The following AFAP1 variants were observed in gnomAD, a reference collection of about 807,000 sequenced individuals.
AFAP1 encodes the protein actin filament-associated protein 1.
AFAP1 carries 75 observed loss-of-function variants against 93.9 expected under a neutral mutation model. That is an observed-to-expected ratio of 0.80 (90% CI 0.66 to 0.97). The LOEUF is 0.97. Among genes scored for constraint, AFAP1 ranks in the 50% least tolerant of loss-of-function variants. The probability of loss-of-function intolerance (pLI) is 0.00; values close to 1 mark genes in which losing one functional copy is unlikely to be tolerated. For missense variants in AFAP1, 1,201 were observed against 1,050.8 expected (o/e 1.14, Z -1.98); for synonymous variants, 517 against 430.7 (o/e 1.20, Z -2.48).
chr4:7,880,511 C>T (rs1196802640), intron 1 of AFAP1, among the ~76,000 whole-genome samples: 2 of 152,196 alleles, frequency 1.3e-5, no homozygotes, highest in Non-Finnish European at 2.9e-5. Context: ...AACCCCTGAC[C>T]TGATGATCCA....
intron 1 of AFAP1, among the ~76,000 whole-genome samples, chr4:7,889,690 G>A (rs980440433): frequency 2.8e-5 from 3 of 107,196 alleles, no homozygotes; most frequent in African/African-American, 6.3e-5. Flanking sequence ...TCAATGAAGC[G>A]TTTTTTTTTT....
intron 5 of AFAP1, among the ~76,000 whole-genome samples, chr4:7,841,296 C>T (rs1207365650): frequency 1.0e-5 from 1 of 98,142 alleles, no homozygotes; most frequent in Non-Finnish European, 2.1e-5. Flanking sequence ...GGGTCTATAC[C>T]TCCCACACAC....
intron 2 of AFAP1, among the ~76,000 whole-genome samples, chr4:7,869,993 A>G (rs1716885350): frequency 6.6e-6 from 1 of 152,192 alleles, no homozygotes; most frequent in South Asian, 2.1e-4. Flanking sequence ...GCGGAGGGAA[A>G]AGACAGGAAA....
At chr4:7,893,995 A>G (rs1313996293) in intron 1 of AFAP1, among the ~76,000 whole-genome samples, 1 of 152,230 alleles carries the variant, frequency 6.6e-6, no homozygotes, top group East Asian at 1.9e-4. Flanking sequence ...TCAAATCACC[A>G]GCAAAGACCT....
chr4:7,928,799 ACCTGTCTGCCCT>A (rs1047333690), intron 1 of AFAP1, among the ~76,000 whole-genome samples: 18 of 152,294 alleles, frequency 1.2e-4, no homozygotes, highest in Admixed American at 9.2e-4. Flanking sequence ...TACTCGTCCC[ACCTGTCTGCCCT>A]CCTGCAATGG....
intron 9 of AFAP1, among the ~76,000 whole-genome samples, chr4:7,800,900 A>C (rs11736326): frequency 0.11 from 16,599 of 152,270 alleles, 1,403 homozygotes; most frequent in East Asian, 0.48. Context: ...TAACATGTGC[A>C]ACGAACCAGT....
chr4:7,842,959 G>C, intron 5 of AFAP1, 180 bp downstream of exon 5: 1 of 623,364 alleles, frequency 1.6e-6, no homozygotes, highest in South Asian at 2.0e-5. Context: ...ACACGGGCGA[G>C]TGCTCCCTGA....
At chr4:7,767,170 A>C (rs573571676) in intron 17 of AFAP1, among the ~76,000 whole-genome samples, 121 of 152,276 alleles carry the variant, frequency 7.9e-4, no homozygotes, top group African/African-American at 2.8e-3. Context: ...TGGAGGGACG[A>C]GAGCAGCTTC....
rs533604964 is a variant in AFAP1, at chr4:7,865,881, T to C, written c.225+2741A>G. On this transcript the variant is annotated intron_variant, in intron 3 of 17. Coordinates refer to ENST00000420658, the MANE Select transcript of AFAP1 (RefSeq NM_001134647.2). ...GCTGCTTCTTTTGTTTTGGTTTGGT[T>C]CTGTGGTCTTGTTTTGTTTTGTTTT... Among the ~76,000 whole-genome samples, 227 of 152,280 alleles carry C rather than the reference T, an allele frequency of 1.5e-3. 1 individual carries two copies. The highest frequency in any genetic ancestry group is 2.6e-3 in the Non-Finnish European group (178 of 68,014).
chr4:7,930,971 C>T (rs1056368697), intron 1 of AFAP1, among the ~76,000 whole-genome samples: 4 of 152,138 alleles, frequency 2.6e-5, no homozygotes, highest in Non-Finnish European at 5.9e-5. Context: ...AGGCTGGCCT[C>T]CAACTCCTGG....
chr4:7,794,552 C>T (rs1356489434), intron 10 of AFAP1, among the ~76,000 whole-genome samples: 2 of 151,986 alleles, frequency 1.3e-5, no homozygotes, highest in African/African-American at 4.8e-5. Flanking sequence ...GACAGGGTCT[C>T]GCTCTGTTAC....
At position 7,939,531 on chromosome 4, in the gene AFAP1, C is replaced by G; in HGVS notation, c.-3+125G>C. On this transcript the variant is annotated intron_variant, in intron 1 of 17. Transcript: ENST00000420658. The surrounding 1 kb of genome is among the most constrained non-coding windows in gnomAD (Gnocchi z 5.6). ...CAGGCGCGGAGCCCCCGGTACCACC[C>G]GAGGCCGAGACAAAGCCCAGGCGCA... 2.7e-6 allele frequency: 1 copy of G among 363,758 alleles called. No individual in the cohort carries two copies. The highest frequency in any genetic ancestry group is 5.4e-6 in the Non-Finnish European group (1 of 185,888). 22.5% of individuals were successfully genotyped at this position (363,758 alleles called of 1,614,324 possible).
At chr4:7,804,309 C>A (rs2149039212) in intron 9 of AFAP1, among the ~76,000 whole-genome samples, 1 of 152,356 alleles carries the variant, frequency 6.6e-6, no homozygotes, top group Admixed American at 6.5e-5. Flanking sequence ...AACCACTTAA[C>A]AAGGCAGGTC....
intron 6 of AFAP1, among the ~76,000 whole-genome samples, chr4:7,832,287 G>T (rs1482530250): frequency 6.6e-6 from 1 of 151,760 alleles, no homozygotes; most frequent in Non-Finnish European, 1.5e-5. Flanking sequence ...TGAATCTCCC[G>T]TATGATACAG....
At chr4:7,893,462 T>G (rs971722792) in intron 1 of AFAP1, among the ~76,000 whole-genome samples, 1 of 150,812 alleles carries the variant, frequency 6.6e-6, no homozygotes, top group Non-Finnish European at 1.5e-5. Context: ...GCGCCTGTAG[T>G]CCCAGCTACT....
intron 9 of AFAP1, among the ~76,000 whole-genome samples, chr4:7,809,227 A>G (rs1222857995): frequency 7.2e-6 from 1 of 138,980 alleles, no homozygotes; most frequent in African/African-American, 2.8e-5. Flanking sequence ...CACCCCACTT[A>G]GTTTTATCAC....
intron 1 of AFAP1, among the ~76,000 whole-genome samples, chr4:7,872,907 T>C (rs911368514): frequency 1.5e-5 from 2 of 137,916 alleles, no homozygotes; most frequent in Non-Finnish European, 3.1e-5. Flanking sequence ...CTTCACCATA[T>C]ACTCACAGGT....
chr4:7,915,750 T>G (rs550152678), intron 1 of AFAP1, among the ~76,000 whole-genome samples: 67 of 152,366 alleles, frequency 4.4e-4, no homozygotes, highest in Non-Finnish European at 7.9e-4. Context: ...ACAAAACCAC[T>G]TCACAAAGCC....
chr4:7,911,800 G>T (rs922435048), intron 1 of AFAP1, among the ~76,000 whole-genome samples: 1 of 152,134 alleles, frequency 6.6e-6, no homozygotes, highest in Admixed American at 6.5e-5. Context: ...AGAGTCCTGG[G>T]GTTCTCCATA....
Sources: gnomAD v4.1 joint callset for allele counts (sites outside exome capture counted in the v4.1 genomes callset) on GRCh38, gnomAD v4.1.1 for gene constraint, Gnocchi (gnomAD v3.1) non-coding constraint, MANE v1.5 for transcripts, NCBI Gene and HGNC (gene_info 2026-07-23, HGNC 2026-07-21) for gene names.